The following RAPGEF6 variants were observed in gnomAD, a reference collection of about 807,000 sequenced individuals.
RAPGEF6 encodes the protein PDZ domain containing guanine nucleotide exchange factor (GEF) 2.
In RAPGEF6, 56 loss-of-function variants were observed where a neutral mutation model predicts 171.4. The observed-to-expected ratio is 0.33, with a 90% CI of 0.26 to 0.41. The LOEUF (loss-of-function observed/expected upper bound fraction) is 0.41, where lower values mean the gene tolerates loss of function less well. Among genes scored for constraint, RAPGEF6 ranks in the 10% least tolerant of loss-of-function variants. RAPGEF6 has a pLI of 1.00. For missense variants in RAPGEF6, 1,674 were observed against 1,921.4 expected, an observed-to-expected ratio of 0.87 and a Z score of 2.41; for synonymous variants, 692 against 650.1, an observed-to-expected ratio of 1.06 and a Z score of -0.98.
chr5:131,559,822 C>T (rs1319253754), intron 5 of RAPGEF6, among the ~76,000 whole-genome samples: 2 of 150,196 alleles, frequency 1.3e-5, no homozygotes, highest in African/African-American at 4.9e-5. Context: ...CTCGGTAAGC[C>T]CCTTTTCTTT....
Position 131,429,050 on chromosome 5 carries a change from G to A in RAPGEF6, c.4632C>T (p.Asn1544=). The change falls in exon 27 of 28, where the codon AAC becomes AAT. Residue 1544 remains asparagine (N), a synonymous_variant. Coordinates refer to ENST00000509018, the MANE Select transcript of RAPGEF6 (RefSeq NM_016340.6). ...VAVQRSKMMH[N]SLSRLPPASL... is the part of the protein sequence containing the mutation. ...AAGCTGGTGGCAGTCTAGAGAGGCT[G>A]TTATGCATCATCTTTGACCTCTGCA... 1.9e-6 allele frequency: 3 copies of A among 1,614,184 alleles called. No homozygotes were observed. The highest frequency in any genetic ancestry group is 2.5e-6 in the Non-Finnish European group (3 of 1,180,022).
At position 131,604,637 on chromosome 5, in the gene RAPGEF6, C is replaced by T; in HGVS notation, c.126G>A (p.Arg42=). Residue 42 remains arginine (R), a synonymous_variant, in exon 2 of 28, where the codon AGG becomes AGA. Transcript: ENST00000509018. ...ACGACACTTACCTAAGCTGATGTTC[C>T]CTGAGATTTGATAATATTTCCATTC... ...LHGMEILSNL[R]EHQLRLMSAR... is the part of the protein sequence containing the mutation. The T allele has an allele frequency of 6.2e-7, 1 of 1,612,028 alleles. No individual in the cohort carries two copies. Among genetic ancestry groups the T allele is most frequent in the Non-Finnish European group, 8.5e-7 (1 of 1,179,060 alleles).
At chr5:131,453,421 G>A (rs1245669705) in intron 20 of RAPGEF6, among the ~76,000 whole-genome samples, 1 of 152,034 alleles carries the variant, frequency 6.6e-6, no homozygotes, top group East Asian at 1.9e-4. Context: ...ACTGTGCATG[G>A]CTTCTAAAAC....
At chr5:131,450,276 T>TA (rs1752980695) in intron 21 of RAPGEF6, among the ~76,000 whole-genome samples, 1 of 152,208 alleles carries the variant, frequency 6.6e-6, no homozygotes, top group African/African-American at 2.4e-5. Flanking sequence ...AAATATGCTT[T>TA]AGACCAATTA....
At chr5:131,547,572 T>C (rs1760634061) in intron 6 of RAPGEF6, among the ~76,000 whole-genome samples, 1 of 151,024 alleles carries the variant, frequency 6.6e-6, no homozygotes, top group African/African-American at 2.4e-5. Context: ...TGCAGTGGTG[T>C]GATACTGGCT....
chr5:131,494,448 A>T (rs1042535243), intron 13 of RAPGEF6, among the ~76,000 whole-genome samples: 1 of 152,224 alleles, frequency 6.6e-6, no homozygotes, highest in African/African-American at 2.4e-5. Context: ...TAGAAAGTCA[A>T]TATAGATTTG....
At chr5:131,467,721 C>G (rs1260393285) in intron 17 of RAPGEF6, among the ~76,000 whole-genome samples, 1 of 152,124 alleles carries the variant, frequency 6.6e-6, no homozygotes, top group Non-Finnish European at 1.5e-5. Context: ...ATTTTAAAGG[C>G]AAAACAGACA....
intron 6 of RAPGEF6, among the ~76,000 whole-genome samples, chr5:131,528,301 A>ATATTT (rs1173844348): frequency 6.3e-5 from 3 of 47,816 alleles, no homozygotes; most frequent in Admixed American, 6.1e-4. Flanking sequence ...AAAATAAAAT[A>ATATTT]ATATATTTAT....
At chr5:131,479,381 G>T (rs1755317591) in intron 16 of RAPGEF6, 132 bp downstream of exon 16, 2 of 870,206 alleles carry the variant, frequency 2.3e-6, no homozygotes, top group Non-Finnish European at 3.5e-6. Flanking sequence ...TCTTATTTGA[G>T]TACTGTTTGA....
intron 16 of RAPGEF6, among the ~76,000 whole-genome samples, chr5:131,473,270 G>GA (rs1164920130): frequency 1.3e-5 from 2 of 151,716 alleles, no homozygotes; most frequent in African/African-American, 4.8e-5. Context: ...CACTGGACCA[G>GA]AAAAAAAATA....
At chr5:131,431,959 A>AG (rs1189863061) in intron 25 of RAPGEF6, among the ~76,000 whole-genome samples, 1 of 152,146 alleles carries the variant, frequency 6.6e-6, no homozygotes, top group Non-Finnish European at 1.5e-5. Context: ...CGTACCTCTG[A>AG]GGTTAGCCCA....
intron 26 of RAPGEF6, 72 bp from the exon 27 acceptor site, chr5:131,429,288 CT>C: frequency 7.9e-7 from 1 of 1,264,656 alleles, no homozygotes. Flanking sequence ...ACCCCACAAA[CT>C]TATTACAATG....
In RAPGEF6 at chr5:131,424,681, TTGG is replaced by T. The variant is rs1751312930; in HGVS notation, c.*2582_*2584del. ...CAAAGATCATATTGAAAGTAATCAT[TTGG>T]AGTAAATTAGAATTATTAACTTTAA... On this transcript the variant is annotated 3_prime_UTR_variant, in exon 28 of 28. Coordinates refer to ENST00000509018, the MANE Select transcript of RAPGEF6 (RefSeq NM_016340.6). The T allele has an allele frequency of 6.6e-6, 1 of 152,306 alleles. No homozygotes were observed. The highest frequency in any genetic ancestry group is 2.1e-4 in the South Asian group (1 of 4,830). 9.4% of individuals were successfully genotyped at this position (152,306 alleles called of 1,614,324 possible).
chr5:131,473,656 G>T (rs947750809), intron 16 of RAPGEF6, among the ~76,000 whole-genome samples: 1 of 152,094 alleles, frequency 6.6e-6, no homozygotes, highest in Non-Finnish European at 1.5e-5. Flanking sequence ...GCAGCATTCT[G>T]CCTAGTACTT....
intron 16 of RAPGEF6, among the ~76,000 whole-genome samples, chr5:131,476,876 T>C (rs1250295601): frequency 1.3e-5 from 2 of 152,198 alleles, no homozygotes; most frequent in Admixed American, 6.5e-5. Flanking sequence ...GGCATCACTT[T>C]ATATTAGCAC....
intron 18 of RAPGEF6, chr5:131,463,592 A>AC (rs1341864355): frequency 1.7e-5 from 12 of 703,150 alleles, no homozygotes; most frequent in East Asian, 2.7e-4. Context: ...AAAAAAAAAA[A>AC]AAACCAGAGT....
chr5:131,549,082 A>T (rs569509025), intron 5 of RAPGEF6, among the ~76,000 whole-genome samples: 14 of 152,124 alleles, frequency 9.2e-5, no homozygotes, highest in South Asian at 2.1e-4. Context: ...TAAAAAAAAA[A>T]TTTTTTTTAA....
At chr5:131,622,696 T>C (rs549316961) in intron 1 of RAPGEF6, among the ~76,000 whole-genome samples, 2 of 152,262 alleles carry the variant, frequency 1.3e-5, no homozygotes, top group South Asian at 4.1e-4. Flanking sequence ...ATAATCCAGG[T>C]CTCATCCAGA....
chr5:131,599,081 CG>C (rs1469584771), intron 3 of RAPGEF6, among the ~76,000 whole-genome samples: 3 of 152,160 alleles, frequency 2.0e-5, no homozygotes, highest in Non-Finnish European at 4.4e-5. Flanking sequence ...GAGGCAGAGA[CG>C]GGCGGATTAC....
Sources: allele counts gnomAD v4.1 joint callset (sites outside exome capture counted in the v4.1 genomes callset), GRCh38; gene constraint gnomAD v4.1.1; transcripts MANE v1.5; gene names NCBI Gene and HGNC (gene_info 2026-07-23, HGNC 2026-07-21).